Variants in AMPH observed in about 807,000 individuals in gnomAD.
AMPH encodes amphiphysin (Stiff-Mann syndrome with breast cancer 128kD autoantigen).
In AMPH, 49 loss-of-function variants were observed where a neutral mutation model predicts 99.1. The ratio of observed to expected loss-of-function variants is 0.49; its 90% CI spans 0.39 to 0.63. The LOEUF (loss-of-function observed/expected upper bound fraction) is 0.63, where lower values mean the gene tolerates loss of function less well. AMPH is among the 20% of genes least tolerant of loss of function. The pLI, the probability that AMPH is intolerant of heterozygous loss-of-function variation, is 0.00. For synonymous variants in AMPH, 314 were observed against 317.3 expected, an observed-to-expected ratio of 0.99 and a Z score of 0.11; for missense variants, 759 against 863.4, an observed-to-expected ratio of 0.88 and a Z score of 1.52.
At chr7:38,418,164 T>A (rs960619912) in intron 16 of AMPH, 13 of 388,960 alleles carry the variant, frequency 3.3e-5, no homozygotes, top group African/African-American at 2.5e-4. Flanking sequence ...TGCTTTACCA[T>A]CATCAAGACT....
chr7:38,384,552 A>T lies in AMPH; in HGVS notation c.*266T>A, dbSNP rs1292276755. On this transcript the variant is annotated 3_prime_UTR_variant, in exon 21 of 21. Transcript: ENST00000356264. ...GCTACTTTAGAATTGGTGGGAGGGG[A>T]TCAAGTACAAGAGTCTCCACAGCTT... is the stretch of plus-strand genomic sequence containing the variant. 2.9e-6 allele frequency: 1 copy of T among 342,498 alleles called. No individual in the cohort carries two copies. Among genetic ancestry groups the T allele is most frequent in the Non-Finnish European group, 5.5e-6 (1 of 180,964 alleles). 21.2% of individuals were successfully genotyped at this position (342,498 alleles called of 1,614,324 possible).
At chr7:38,606,547 C>T (rs997958312) in intron 1 of AMPH, among the ~76,000 whole-genome samples, 8 of 149,712 alleles carry the variant, frequency 5.3e-5, no homozygotes, top group African/African-American at 1.7e-4. Flanking sequence ...TACTGTGGCA[C>T]GTCTCAGAAC....
chr7:38,478,689 A>T (rs1293037780), intron 5 of AMPH, among the ~76,000 whole-genome samples: 1 of 152,218 alleles, frequency 6.6e-6, no homozygotes, highest in African/African-American at 2.4e-5. Context: ...TACGACTAAT[A>T]TGTTAAAGTA....
rs1222656462 is a variant in AMPH, at chr7:38,571,028, T to TA, written c.70-36018_70-36017insT. Among the ~76,000 whole-genome samples, 33 of 32,928 alleles carry TA rather than the reference T, an allele frequency of 1.0e-3. 1 individual carries two copies. The highest frequency in any genetic ancestry group is 1.1e-3 in the Non-Finnish European group (19 of 16,900). 21.6% of individuals were successfully genotyped at this position (32,928 alleles called of 152,430 possible). ...TATATAGAATATATATATTCATATA[T>TA]TGAATATATATAGAATATATATATT... is the stretch of plus-strand genomic sequence containing the variant. On this transcript the variant is annotated intron_variant, in intron 1 of 20. Coordinates refer to ENST00000356264, the MANE Select transcript of AMPH (RefSeq NM_001635.4).
At chr7:38,527,781 T>G (rs1326722780) in intron 2 of AMPH, among the ~76,000 whole-genome samples, 1 of 152,238 alleles carries the variant, frequency 6.6e-6, no homozygotes, top group African/African-American at 2.4e-5. Context: ...CTACATTGCA[T>G]AGCATTAGCG....
intron 2 of AMPH, among the ~76,000 whole-genome samples, chr7:38,510,154 T>G (rs544333639): frequency 6.6e-6 from 1 of 152,112 alleles, no homozygotes; most frequent in Non-Finnish European, 1.5e-5. Context: ...GATCAAGGTG[T>G]TGGTAGGTGC....
intron 1 of AMPH, among the ~76,000 whole-genome samples, chr7:38,613,980 A>G (rs565489608): frequency 5.1e-4 from 77 of 152,088 alleles, no homozygotes; most frequent in African/African-American, 1.8e-3. Flanking sequence ...AGTCCACCCC[A>G]TAGTCTAAAG....
intron 11 of AMPH, among the ~76,000 whole-genome samples, chr7:38,454,071 A>G (rs1173238525): frequency 6.6e-6 from 1 of 152,192 alleles, no homozygotes; most frequent in Non-Finnish European, 1.5e-5. Context: ...ACCGATAAAC[A>G]CCATTCTCAA....
intron 2 of AMPH, among the ~76,000 whole-genome samples, chr7:38,513,128 T>C (rs111278714): frequency 8.5e-5 from 13 of 152,370 alleles, no homozygotes; most frequent in African/African-American, 2.9e-4. Flanking sequence ...TTTATACTTA[T>C]ATTTTAAAAA....
chr7:38,526,916 G>T (rs1790212138), intron 2 of AMPH, among the ~76,000 whole-genome samples: 1 of 152,098 alleles, frequency 6.6e-6, no homozygotes. Context: ...TTAAGTTCTT[G>T]ATATACTTTC....
chr7:38,631,178 C>T (rs1307663183), intron 1 of AMPH, 105 bp downstream of exon 1: 11 of 1,022,990 alleles, frequency 1.1e-5, no homozygotes, highest in African/African-American at 1.7e-5. Context: ...CGCTCCGCAG[C>T]GCGCCGCACC....
At chr7:38,429,893 TA>T in intron 13 of AMPH, 28 bp from the exon 14 acceptor site, 1 of 1,596,812 alleles carries the variant, frequency 6.3e-7, no homozygotes, top group Non-Finnish European at 8.5e-7. Context: ...ATAGTAACAA[TA>T]AGGCGAGAGA....
At chr7:38,465,013 G>T (rs1380436240) in intron 9 of AMPH, among the ~76,000 whole-genome samples, 5 of 152,174 alleles carry the variant, frequency 3.3e-5, no homozygotes, top group African/African-American at 4.8e-5. Flanking sequence ...GTAAGAGGAA[G>T]ATGAGATCTC....
chr7:38,506,420 G>A (rs1330448679), intron 2 of AMPH, among the ~76,000 whole-genome samples: 1 of 152,158 alleles, frequency 6.6e-6, no homozygotes, highest in Non-Finnish European at 1.5e-5. Context: ...CCCAAGTGGT[G>A]GTCAAGCAAC....
rs1275548186 is a variant in AMPH at position 38,616,436 on chromosome 7, C to T, written c.69+14847G>A. ...ACTTTGGAAAACTGTTTGGTACCAT[C>T]TCTAAAAGCTAAAGAGGGCCTACCC... On this transcript the variant is annotated intron_variant, in intron 1 of 20. Transcript: ENST00000356264. Among the ~76,000 whole-genome samples the T allele has an allele frequency of 2.0e-5, 3 of 152,288 alleles. No individual in the cohort carries two copies. The South Asian group carries it at 6.2e-4, about 32-fold the overall frequency.
At chr7:38,456,687 C>A (rs1787246878) in intron 11 of AMPH, among the ~76,000 whole-genome samples, 2 of 152,220 alleles carry the variant, frequency 1.3e-5, no homozygotes, top group South Asian at 2.1e-4. Flanking sequence ...ACTGACATCA[C>A]CCACATCACA....
chr7:38,436,574 C>CT (rs543100467), intron 11 of AMPH, among the ~76,000 whole-genome samples, 186 bp from the exon 12 acceptor site: 10 of 152,192 alleles, frequency 6.6e-5, no homozygotes, highest in Non-Finnish European at 1.3e-4. Flanking sequence ...AAGGAAATAA[C>CT]TAACTCTGGC....
At chr7:38,444,105 T>G (rs57288273) in intron 11 of AMPH, among the ~76,000 whole-genome samples, 8,630 of 152,222 alleles carry the variant, frequency 0.057, 640 homozygotes, top group East Asian at 0.35. Flanking sequence ...AAAATACTTA[T>G]GGATAAATCC....
chr7:38,391,289 A>G (rs1290272600), intron 19 of AMPH, among the ~76,000 whole-genome samples: 1 of 152,156 alleles, frequency 6.6e-6, no homozygotes, highest in Non-Finnish European at 1.5e-5. Flanking sequence ...TCATTCATAC[A>G]TGAATCCATT....
Sources: gnomAD v4.1 joint callset for allele counts (sites outside exome capture counted in the v4.1 genomes callset) on GRCh38, gnomAD v4.1.1 for gene constraint, MANE v1.5 for transcripts, NCBI Gene and HGNC (gene_info 2026-07-23, HGNC 2026-07-21) for gene names.